LEMD1: variants seen among roughly 807,000 people sequenced by gnomAD.
LEMD1 encodes the protein LEM domain-containing protein 1.
LEMD1 carries 18 observed loss-of-function variants against 17.4 expected under a neutral mutation model. The ratio of observed to expected loss-of-function variants is 1.04; its 90% CI spans 0.72 to 1.54. LEMD1 has a LOEUF of 1.54. Among genes scored for constraint, LEMD1 ranks in the 40% most tolerant of loss-of-function variants. The pLI is 0.00. For synonymous variants in LEMD1, 88 were observed against 77.8 expected (o/e 1.13, Z -0.69); for missense variants, 195 against 210.4 (o/e 0.93, Z 0.45).
At position 205,381,566 on chromosome 1, in the gene LEMD1, G is replaced by T; in HGVS notation, c.*92C>A. The T allele has an allele frequency of 8.3e-7, 1 of 1,211,924 alleles. No homozygotes were observed. The highest frequency in any genetic ancestry group is 1.2e-5 in the South Asian group (1 of 80,396). 75.1% of individuals were successfully genotyped at this position (1,211,924 alleles called of 1,614,324 possible). On this transcript the variant is annotated 3_prime_UTR_variant, in exon 6 of 6. Transcript: ENST00000367153. Reference sequence around the variant, plus strand: ...AAGGGAAGGCTCCCTGCAAGGGAGGGCTGCAGGCTAGGCTGGCCCTTCAGG... The same window carrying T: ...AAGGGAAGGCTCCCTGCAAGGGAGGTCTGCAGGCTAGGCTGGCCCTTCAGG...
intron 3 of LEMD1, 81 bp downstream of exon 3, chr1:205,419,149 A>G: frequency 6.5e-7 from 1 of 1,534,406 alleles, no homozygotes; most frequent in South Asian, 1.2e-5. Context: ...GCTGCACACC[A>G]TTTAAAGCTG....
Position 205,448,482 on chromosome 1 carries a change from G to A in LEMD1, c.-39+1386C>T, listed in dbSNP as rs1411180249. 3 of 482,738 alleles carry A rather than the reference G, an allele frequency of 6.2e-6. No homozygotes were observed. Among genetic ancestry groups the A allele is most frequent in the African/African-American group, 4.0e-5 (2 of 49,890 alleles). The allele number at this position is 482,738 out of a possible 1,614,324, so 29.9% of individuals were successfully genotyped here. A position where few individuals can be genotyped will look rare whatever the true frequency, so the allele number is the denominator to read the frequency against. On this transcript the variant is annotated intron_variant, in intron 1 of 3. Transcript: ENST00000367154. The surrounding 1 kb of genome is among the most constrained non-coding windows in gnomAD (Gnocchi z 4.7). Reference sequence around the variant, plus strand: ...CCTCACTCCCCTTCTCAGCACCCCCGACCCCAGACCCACCCACACTGCCTC... The same window carrying A: ...CCTCACTCCCCTTCTCAGCACCCCCAACCCCAGACCCACCCACACTGCCTC...
chr1:205,399,349 G>T (rs1664733528), intron 4 of LEMD1, among the ~76,000 whole-genome samples: 1 of 152,312 alleles, frequency 6.6e-6, no homozygotes, highest in East Asian at 1.9e-4. Context: ...ACATTGGGTT[G>T]TTAGATTGCA....
intron 1 of LEMD1, among the ~76,000 whole-genome samples, chr1:205,446,940 C>G (rs996742433): frequency 6.6e-6 from 1 of 152,222 alleles, no homozygotes; most frequent in East Asian, 1.9e-4. Flanking sequence ...CCCGCTCCCC[C>G]CGACCTCCTG....
intron 4 of LEMD1, among the ~76,000 whole-genome samples, chr1:205,395,106 A>G (rs1221427475): frequency 6.6e-6 from 1 of 152,186 alleles, no homozygotes; most frequent in Non-Finnish European, 1.5e-5. Context: ...CTAAGGAAAT[A>G]CATACTGAAA....
intron 1 of LEMD1, among the ~76,000 whole-genome samples, chr1:205,443,501 A>G (rs986032501): frequency 3.9e-5 from 6 of 152,164 alleles, no homozygotes; most frequent in Admixed American, 2.0e-4. Context: ...AGAGGAAAGG[A>G]GAGCTAATGA....
chr1:205,426,075 C>T (rs375983698), upstream of LEMD1, among the ~76,000 whole-genome samples: 1 of 152,184 alleles, frequency 6.6e-6, no homozygotes. Flanking sequence ...ATGAAGAGTA[C>T]ACTTAAAGGA....
intron 4 of LEMD1, among the ~76,000 whole-genome samples, chr1:205,403,495 G>A (rs1414587670): frequency 2.0e-5 from 3 of 152,144 alleles, no homozygotes; most frequent in Non-Finnish European, 4.4e-5. Context: ...GCATAGAGGT[G>A]TTTGTAGTAT....
At chr1:205,427,509 C>G (rs200054239) in intron 1 of LEMD1, among the ~76,000 whole-genome samples, 155 of 97,890 alleles carry the variant, frequency 1.6e-3, no homozygotes, top group African/African-American at 5.2e-3. Context: ...GAGAGAGAGA[C>G]AGAGAGAGAG....
chr1:205,397,631 T>C (rs1460621158), intron 4 of LEMD1, among the ~76,000 whole-genome samples: 1 of 152,144 alleles, frequency 6.6e-6, no homozygotes, highest in East Asian at 1.9e-4. Context: ...CCTGGACTCA[T>C]GAATTGTAAT....
chr1:205,410,236 G>C (rs1280268761), intron 4 of LEMD1, among the ~76,000 whole-genome samples: 1 of 152,066 alleles, frequency 6.6e-6, no homozygotes. Flanking sequence ...CCATATTTTT[G>C]ATACCCATAT....
At chr1:205,447,377 G>A (rs1666410893) in intron 1 of LEMD1, among the ~76,000 whole-genome samples, 1 of 152,202 alleles carries the variant, frequency 6.6e-6, no homozygotes, top group South Asian at 2.1e-4. Context: ...TAAGGGCTCT[G>A]AGATATTATA....
Position 205,440,443 on chromosome 1 carries a change from G to A in LEMD1, c.-39+9425C>T, listed in dbSNP as rs147490065. Among the ~76,000 whole-genome samples the A allele has an allele frequency of 1.9e-3, 283 of 152,304 alleles. 2 individuals are homozygous for A. Among genetic ancestry groups the A allele is most frequent in the African/African-American group, 6.6e-3 (273 of 41,572 alleles). ...TGCCCCAGGTCCTGGAATCCCAGGA[G>A]AGTCTCACACTTCCGCCCTGGAGGC... On this transcript the variant is annotated intron_variant, in intron 1 of 3. Coordinates refer to the LEMD1 transcript ENST00000367154.
At chr1:205,406,564 G>T (rs555020676) in intron 4 of LEMD1, among the ~76,000 whole-genome samples, 143 of 152,354 alleles carry the variant, frequency 9.4e-4, no homozygotes, top group Non-Finnish European at 1.9e-3. Flanking sequence ...TCGGAAAAGC[G>T]CAGTATTCGA....
At chr1:205,444,760 T>G (rs1427975132) in intron 1 of LEMD1, among the ~76,000 whole-genome samples, 4 of 152,100 alleles carry the variant, frequency 2.6e-5, no homozygotes, top group Non-Finnish European at 5.9e-5. Flanking sequence ...TATTTAAAAG[T>G]GCTGGGGCAT....
chr1:205,382,727 A>C (rs1231537584), intron 5 of LEMD1, among the ~76,000 whole-genome samples: 1 of 152,174 alleles, frequency 6.6e-6, no homozygotes, highest in Non-Finnish European at 1.5e-5. Flanking sequence ...CCTCGCTGGG[A>C]AATTGTATAA....
chr1:205,438,134 T>C (rs1347767391), intron 1 of LEMD1, among the ~76,000 whole-genome samples: 3 of 152,206 alleles, frequency 2.0e-5, no homozygotes, highest in Non-Finnish European at 2.9e-5. Context: ...CTTCTTGATC[T>C]TCCATTCAGC....
chr1:205,384,043 G>T (rs1663865026), intron 5 of LEMD1, among the ~76,000 whole-genome samples: 1 of 151,114 alleles, frequency 6.6e-6, no homozygotes, highest in Non-Finnish European at 1.5e-5. Context: ...CTTGGGCTGT[G>T]ATCTCAGTCC....
chr1:205,381,554 C>T lies in LEMD1; in HGVS notation c.*104G>A. The T allele has an allele frequency of 8.8e-7, 1 of 1,138,848 alleles. No homozygotes were observed. Among genetic ancestry groups the T allele is most frequent in the East Asian group, 2.3e-5 (1 of 42,642 alleles). The allele number at this position is 1,138,848 out of a possible 1,614,324, so 70.5% of individuals were successfully genotyped here. On this transcript the variant is annotated 3_prime_UTR_variant, in exon 6 of 6. Coordinates refer to ENST00000367153, the MANE Select transcript of LEMD1 (RefSeq NM_001199050.2). ...GCAGCACAGTGCAAGGGAAGGCTCC[C>T]TGCAAGGGAGGGCTGCAGGCTAGGC...
Sources: allele counts gnomAD v4.1 joint callset (sites outside exome capture counted in the v4.1 genomes callset), GRCh38; gene constraint gnomAD v4.1.1; non-coding constraint Gnocchi (gnomAD v3.1); transcripts MANE v1.5; gene names NCBI Gene and HGNC (gene_info 2026-07-23, HGNC 2026-07-21).